The following NTNG1 variants were observed in gnomAD, a reference collection of about 807,000 sequenced individuals.
The protein encoded by NTNG1 is netrin-G1.
A neutral mutation model predicts 54.0 loss-of-function variants in NTNG1; 16 were observed. The observed-to-expected ratio is 0.30, with a 90% CI of 0.20 to 0.45. NTNG1 has a LOEUF of 0.45. Among genes scored for constraint, NTNG1 ranks in the 20% least tolerant of loss-of-function variants. The probability of loss-of-function intolerance (pLI) is 1.00; values close to 1 mark genes in which losing one functional copy is unlikely to be tolerated. For synonymous variants in NTNG1, 255 were observed against 263.1 expected (o/e 0.97, Z 0.30); for missense variants, 530 against 678.7 (o/e 0.78, Z 2.43).
At chr1:107,162,654 G>A (rs909577608) in intron 2 of NTNG1, among the ~76,000 whole-genome samples, 6 of 151,948 alleles carry the variant, frequency 3.9e-5, no homozygotes, top group Admixed American at 1.3e-4. Context: ...CTTTACACAG[G>A]GGGCAACAAA....
chr1:107,253,905 T>C (rs1332465539), intron 2 of NTNG1, among the ~76,000 whole-genome samples: 1 of 152,242 alleles, frequency 6.6e-6, no homozygotes, highest in East Asian at 1.9e-4. Context: ...AACAAAATAG[T>C]GAACAGTGAA....
chr1:107,294,735 T>G (rs548570596), intron 2 of NTNG1, among the ~76,000 whole-genome samples: 84 of 152,272 alleles, frequency 5.5e-4, no homozygotes, highest in African/African-American at 2.0e-3. Flanking sequence ...TTACAGAGAT[T>G]AGTGAGAGTT....
intron 2 of NTNG1, among the ~76,000 whole-genome samples, chr1:107,279,582 C>A (rs980637527): frequency 6.6e-6 from 1 of 152,164 alleles, no homozygotes; most frequent in Non-Finnish European, 1.5e-5. Context: ...CTAATTATTT[C>A]TTGACTCTCC....
At chr1:107,422,331 A>T (rs934514826) in intron 5 of NTNG1, among the ~76,000 whole-genome samples, 12 of 152,190 alleles carry the variant, frequency 7.9e-5, no homozygotes, top group African/African-American at 2.6e-4. Flanking sequence ...GAAAGAAACA[A>T]AGGAGGTGAA....
chr1:107,347,440 A>C (rs934983704), intron 3 of NTNG1, among the ~76,000 whole-genome samples: 3 of 152,130 alleles, frequency 2.0e-5, no homozygotes, highest in Non-Finnish European at 2.9e-5. Flanking sequence ...TTTTGAGTCT[A>C]GGTGATTGAG....
intron 2 of NTNG1, among the ~76,000 whole-genome samples, chr1:107,220,403 C>T (rs1021810078): frequency 6.6e-6 from 1 of 152,232 alleles, no homozygotes; most frequent in Non-Finnish European, 1.5e-5. Context: ...TGTGGGTTTC[C>T]ACATGCTTCT....
intron 2 of NTNG1, among the ~76,000 whole-genome samples, chr1:107,277,873 A>T (rs979942353): frequency 1.3e-5 from 2 of 152,238 alleles, no homozygotes; most frequent in African/African-American, 4.8e-5. Context: ...GCATTCCTAT[A>T]AATAAACCAG....
At chr1:107,282,830 A>T (rs990867535) in intron 2 of NTNG1, among the ~76,000 whole-genome samples, 2 of 152,170 alleles carry the variant, frequency 1.3e-5, no homozygotes, top group Non-Finnish European at 2.9e-5. Flanking sequence ...CTTATAAACA[A>T]CAGAAACTTA....
intron 5 of NTNG1, among the ~76,000 whole-genome samples, chr1:107,416,426 G>T (rs1306816262): frequency 6.6e-6 from 1 of 152,076 alleles, no homozygotes; most frequent in Admixed American, 6.6e-5. Flanking sequence ...GGAACAGATT[G>T]TAAGTGAGGT....
At chr1:107,444,406 AATGTACTCCACAGTAGC>A (rs1337766646) in intron 7 of NTNG1, among the ~76,000 whole-genome samples, 1 of 152,124 alleles carries the variant, frequency 6.6e-6, no homozygotes, top group Non-Finnish European at 1.5e-5. Context: ...AGTTGTTCTG[AATGTACTCCACAGTAGC>A]ATCATATCCT....
At chr1:107,238,870 T>C (rs1377034788) in intron 2 of NTNG1, among the ~76,000 whole-genome samples, 1 of 151,908 alleles carries the variant, frequency 6.6e-6, no homozygotes, top group Non-Finnish European at 1.5e-5. Flanking sequence ...TACATAATGC[T>C]TTCCATATTC....
intron 3 of NTNG1, among the ~76,000 whole-genome samples, chr1:107,367,065 CG>C (rs1670635794): frequency 6.7e-6 from 1 of 148,348 alleles, no homozygotes; most frequent in African/African-American, 2.5e-5. Context: ...TTTATCTGTT[CG>C]TGTGTGTGTG....
chr1:107,156,251 T>A (rs1654987841), intron 2 of NTNG1, among the ~76,000 whole-genome samples: 1 of 152,220 alleles, frequency 6.6e-6, no homozygotes, highest in South Asian at 2.1e-4. Flanking sequence ...CAGCTTATGC[T>A]GCTCTCAGAA....
intron 5 of NTNG1, among the ~76,000 whole-genome samples, chr1:107,420,109 C>A (rs893337151): frequency 5.3e-5 from 8 of 152,046 alleles, no homozygotes; most frequent in African/African-American, 1.9e-4. Flanking sequence ...TAAGACAACA[C>A]TTCTCCACAG....
At chr1:107,211,682 AAC>A (rs964839308) in intron 2 of NTNG1, among the ~76,000 whole-genome samples, 1 of 152,184 alleles carries the variant, frequency 6.6e-6, no homozygotes, top group African/African-American at 2.4e-5. Flanking sequence ...CTCATTAGGA[AAC>A]ACAGAGATGT....
intron 4 of NTNG1, among the ~76,000 whole-genome samples, chr1:107,401,594 C>T (rs543217145): frequency 6.6e-6 from 1 of 152,182 alleles, no homozygotes; most frequent in East Asian, 1.9e-4. Context: ...ATAATACCCT[C>T]ACACAAGTTT....
chr1:107,194,548 C>G (rs913217429), intron 2 of NTNG1, among the ~76,000 whole-genome samples: 3 of 151,926 alleles, frequency 2.0e-5, no homozygotes, highest in African/African-American at 7.2e-5. Context: ...AGTTACTGGT[C>G]ACATATGCAA....
intron 4 of NTNG1, among the ~76,000 whole-genome samples, chr1:107,402,973 C>T (rs1011327219): frequency 4.6e-5 from 7 of 152,066 alleles, no homozygotes; most frequent in Non-Finnish European, 8.8e-5. Flanking sequence ...CTGAATCTTC[C>T]ATTGATTCTC....
chr1:107,147,819 G>A (rs1001020405), intron 1 of NTNG1, among the ~76,000 whole-genome samples: 1 of 152,102 alleles, frequency 6.6e-6, no homozygotes, highest in Non-Finnish European at 1.5e-5. Flanking sequence ...AATTTTTGAA[G>A]TGAAAACCTG....
Sources: gnomAD v4.1 joint callset for allele counts (sites outside exome capture counted in the v4.1 genomes callset) on GRCh38, gnomAD v4.1.1 for gene constraint, MANE v1.5 for transcripts, NCBI Gene and HGNC (gene_info 2026-07-23, HGNC 2026-07-21) for gene names.